CNTN4: variants seen among roughly 807,000 people sequenced by gnomAD.
CNTN4 encodes the protein contactin 4.
Under a neutral mutation model 122.5 loss-of-function variants are expected in CNTN4, and 77 were observed. The observed-to-expected ratio is 0.63, with a 90% CI of 0.52 to 0.76. The LOEUF (loss-of-function observed/expected upper bound fraction) is 0.76. CNTN4 is among the 30% of genes least tolerant of loss of function. The probability of loss-of-function intolerance (pLI) is 0.00; values close to 1 mark genes in which losing one functional copy is unlikely to be tolerated. For synonymous variants in CNTN4, 512 were observed against 447.0 expected (o/e 1.15, Z -1.83); for missense variants, 1,256 against 1,259.1 (o/e 1.00, Z 0.04).
At chr3:2,431,428 G>A (rs1312805134) in intron 3 of CNTN4, among the ~76,000 whole-genome samples, 1 of 152,144 alleles carries the variant, frequency 6.6e-6, no homozygotes, top group Non-Finnish European at 1.5e-5. Context: ...TTCCTTTATG[G>A]AGGAGAATGG....
At chr3:2,753,706 C>A (rs887481648) in intron 6 of CNTN4, among the ~76,000 whole-genome samples, 2 of 152,160 alleles carry the variant, frequency 1.3e-5, no homozygotes, top group Non-Finnish European at 2.9e-5. Context: ...TGAAATGTTT[C>A]CTTTGTACAC....
chr3:2,105,213 A>G (rs577387056), intron 2 of CNTN4, among the ~76,000 whole-genome samples: 3 of 152,158 alleles, frequency 2.0e-5, no homozygotes, highest in Non-Finnish European at 4.4e-5. Flanking sequence ...TAACACCAAA[A>G]AGAGAACCTA....
chr3:2,541,893 C>G (rs1038094527), intron 3 of CNTN4, among the ~76,000 whole-genome samples: 6 of 152,024 alleles, frequency 3.9e-5, no homozygotes, highest in Non-Finnish European at 8.8e-5. Context: ...CTGACCTTGG[C>G]AACTCTAATA....
intron 2 of CNTN4, among the ~76,000 whole-genome samples, chr3:2,120,795 C>T (rs2033721388): frequency 6.6e-6 from 1 of 151,868 alleles, no homozygotes; most frequent in Non-Finnish European, 1.5e-5. Context: ...GATCTTAAAA[C>T]TGAGTGAAAT....
In CNTN4 at chr3:3,040,238, A is replaced by G. The variant is rs1700025359; in HGVS notation, c.2365A>G (p.Ser789Gly). 1 of 1,614,136 alleles carries G rather than the reference A, an allele frequency of 6.2e-7. No individual in the cohort carries two copies. Among genetic ancestry groups the G allele is most frequent in the African/African-American group, 1.3e-5 (1 of 75,070 alleles). The change falls in exon 20 of 25, where the codon AGT (serine) becomes GGT (glycine). Residue 789 changes from serine (S) to glycine (G), a missense_variant. Ser to Gly is a moderately conservative substitution (Grantham distance 56). Coordinates refer to ENST00000418658, the MANE Select transcript of CNTN4 (RefSeq NM_175607.3). ...VFNNKGEGPF[S>G]PTTVVYSAEE... ...CAACAACAAAGGAGAAGGCCCTTTC[A>G]GTCCCACCACGGTGGTGTATTCTGC... is the stretch of plus-strand genomic sequence containing the variant.
chr3:2,424,800 A>AT (rs1559540671), intron 3 of CNTN4, among the ~76,000 whole-genome samples: 3 of 152,110 alleles, frequency 2.0e-5, no homozygotes, highest in Non-Finnish European at 1.5e-5. Flanking sequence ...TTTGATTTGC[A>AT]TTTCTCTGAT....
intron 4 of CNTN4, among the ~76,000 whole-genome samples, chr3:2,661,459 C>T (rs774254435): frequency 6.6e-6 from 1 of 151,922 alleles, no homozygotes; most frequent in Non-Finnish European, 1.5e-5. Context: ...TCACTCCCTT[C>T]TCAGGATGCT....
At chr3:2,866,713 C>G in intron 7 of CNTN4, 39 bp from the exon 8 acceptor site, 1 of 1,564,160 alleles carries the variant, frequency 6.4e-7, no homozygotes, top group Non-Finnish European at 8.8e-7. Context: ...GTTCCAGTGC[C>G]AAAAGACATA....
At chr3:2,200,078 A>G (rs1007741971) in intron 2 of CNTN4, among the ~76,000 whole-genome samples, 1 of 152,158 alleles carries the variant, frequency 6.6e-6, no homozygotes, top group Admixed American at 6.6e-5. Flanking sequence ...TATTTTAAAA[A>G]CATTACCCCT....
intron 6 of CNTN4, among the ~76,000 whole-genome samples, chr3:2,748,190 T>C (rs1230103674): frequency 6.6e-6 from 1 of 152,204 alleles, no homozygotes; most frequent in Non-Finnish European, 1.5e-5. Flanking sequence ...CTGACAATAA[T>C]ATTTATTTAA....
intron 6 of CNTN4, among the ~76,000 whole-genome samples, chr3:2,762,235 A>G (rs1043092503): frequency 6.6e-6 from 1 of 152,202 alleles, no homozygotes; most frequent in Admixed American, 6.5e-5. Context: ...TTTTAATTTC[A>G]GGAATACACG....
chr3:2,790,350 C>T (rs189007559), intron 6 of CNTN4, among the ~76,000 whole-genome samples: 48 of 152,304 alleles, frequency 3.2e-4, no homozygotes, highest in African/African-American at 1.1e-3. Flanking sequence ...ATCCTCTGGG[C>T]CAGCTTGCTG....
At chr3:3,050,205 T>C (rs1338952072) in intron 23 of CNTN4, among the ~76,000 whole-genome samples, 1 of 152,276 alleles carries the variant, frequency 6.6e-6, no homozygotes, top group Middle Eastern at 3.4e-3. Context: ...TAGCAACCAG[T>C]GTGGCCATAT....
intron 2 of CNTN4, among the ~76,000 whole-genome samples, chr3:2,152,409 C>A (rs75585701): frequency 1.3e-5 from 2 of 152,134 alleles, no homozygotes; most frequent in East Asian, 3.9e-4. Flanking sequence ...GCTTTGGGGT[C>A]TAGACTGGGG....
At chr3:2,555,887 A>G (rs1199942827) in intron 3 of CNTN4, among the ~76,000 whole-genome samples, 1 of 152,156 alleles carries the variant, frequency 6.6e-6, no homozygotes, top group Non-Finnish European at 1.5e-5. Flanking sequence ...ACTGCTCAGA[A>G]GTGAGAATTT....
chr3:2,688,011 T>C, intron 4 of CNTN4, among the ~76,000 whole-genome samples: 1 of 152,174 alleles, frequency 6.6e-6, no homozygotes, highest in East Asian at 1.9e-4. Flanking sequence ...CTGACTGGTA[T>C]ATTTGCTCTC....
chr3:2,180,732 C>A (rs555929809), intron 2 of CNTN4, among the ~76,000 whole-genome samples: 1 of 152,164 alleles, frequency 6.6e-6, no homozygotes, highest in South Asian at 2.1e-4. Context: ...TTGACTATCA[C>A]GCACACTTAC....
At chr3:2,363,093 T>C (rs1442847035) in intron 3 of CNTN4, among the ~76,000 whole-genome samples, 1 of 152,196 alleles carries the variant, frequency 6.6e-6, no homozygotes, top group Non-Finnish European at 1.5e-5. Context: ...TCTGAACCAG[T>C]CAAAGCCTGG....
chr3:2,188,260 G>C (rs1488121389), intron 2 of CNTN4, among the ~76,000 whole-genome samples: 5 of 152,080 alleles, frequency 3.3e-5, no homozygotes, highest in African/African-American at 1.2e-4. Context: ...CCATTGAGAG[G>C]TCCCTAATAA....
Sources: gnomAD v4.1 joint callset for allele counts (sites outside exome capture counted in the v4.1 genomes callset) on GRCh38, gnomAD v4.1.1 for gene constraint, MANE v1.5 for transcripts, NCBI Gene and HGNC (gene_info 2026-07-23, HGNC 2026-07-21) for gene names.